The following PSEN2 variants were observed in gnomAD, a reference collection of about 807,000 sequenced individuals.
The protein encoded by PSEN2 is presenilin-2.
A neutral mutation model predicts 49.1 loss-of-function variants in PSEN2; 32 were observed. The ratio of observed to expected loss-of-function variants is 0.65; its 90% CI spans 0.49 to 0.88. The LOEUF (loss-of-function observed/expected upper bound fraction) is 0.88, where lower values mean the gene tolerates loss of function less well. PSEN2 is among the 40% of genes least tolerant of loss of function. The pLI is 0.00. For missense variants in PSEN2, 522 were observed against 586.9 expected, an observed-to-expected ratio of 0.89 and a Z score of 1.14; for synonymous variants, 255 against 244.0, an observed-to-expected ratio of 1.05 and a Z score of -0.42.
downstream of PSEN2, among the ~76,000 whole-genome samples, chr1:226,900,158 G>A (rs1662264886): frequency 2.0e-5 from 3 of 152,180 alleles, no homozygotes; most frequent in South Asian, 6.2e-4. Flanking sequence ...GCCCCGGGAG[G>A]CAGCAGATGA....
Position 226,895,784 on chromosome 1 carries a change from G to A in PSEN2, c.*205G>A, listed in dbSNP as rs199571588. 1.3e-5 allele frequency: 8 copies of A among 629,348 alleles called. No homozygotes were observed. The highest frequency in any genetic ancestry group is 7.9e-5 in the South Asian group (4 of 50,816). 39.0% of individuals were successfully genotyped at this position (629,348 alleles called of 1,614,324 possible). ...GACTTTGGCTCCCGCTTTGGGGAGC[G>A]CCTCGCTTCACGGACAGGAAGCACA... is the stretch of plus-strand genomic sequence containing the variant. On this transcript the variant is annotated 3_prime_UTR_variant, in exon 13 of 13. Transcript: ENST00000366783.
intron 4 of PSEN2, among the ~76,000 whole-genome samples, chr1:226,882,628 C>T (rs1661073488): frequency 6.6e-6 from 1 of 152,166 alleles, no homozygotes; most frequent in African/African-American, 2.4e-5. Flanking sequence ...ACCCTGTTCT[C>T]TGTTTTGCCC....
chr1:226,885,719 G>A lies in PSEN2; in HGVS notation c.498+40G>A, dbSNP rs144791481. 2.6e-3 allele frequency: 4,100 copies of A among 1,600,720 alleles called. 8 individuals carry two copies. The highest frequency in any genetic ancestry group is 3.2e-3 in the Non-Finnish European group (3,806 of 1,179,402). ...CTGCCCTCCAGCCACGCTTCTCTCC[G>A]TCTGCCCCACACCATGGCGGCAGGG... On this transcript the variant is annotated intron_variant, in intron 6 of 12. Coordinates refer to ENST00000366783, the MANE Select transcript of PSEN2 (RefSeq NM_000447.3).
chr1:226,881,826 A>G, intron 3 of PSEN2, 62 bp from the exon 4 acceptor site: 5 of 1,604,648 alleles, frequency 3.1e-6, no homozygotes, highest in Non-Finnish European at 4.3e-6. Context: ...CCACCCCCTG[A>G]GTCCTCCACT....
downstream of PSEN2, among the ~76,000 whole-genome samples, chr1:226,900,828 T>C (rs1003245014): frequency 6.6e-6 from 1 of 152,208 alleles, no homozygotes; most frequent in Non-Finnish European, 1.5e-5. Context: ...GGTTGTGGAC[T>C]CTGTAGAGAG....
chr1:226,877,606 A>G (rs1280567157), intron 3 of PSEN2, among the ~76,000 whole-genome samples: 2 of 152,160 alleles, frequency 1.3e-5, no homozygotes, highest in African/African-American at 4.8e-5. Context: ...AGCTGAGACT[A>G]GCTCTTCCCT....
chr1:226,893,884 T>G (rs566997959), intron 11 of PSEN2, 123 bp from the exon 12 acceptor site: 1 of 827,926 alleles, frequency 1.2e-6, no homozygotes, highest in East Asian at 2.4e-5. Context: ...TCTTAGCTTC[T>G]AGAGGCCAGG....
chr1:226,902,397 C>T (rs978965458), intron 12 of PSEN2, among the ~76,000 whole-genome samples: 3 of 152,026 alleles, frequency 2.0e-5, no homozygotes, highest in African/African-American at 7.2e-5. Context: ...GAAGTAAGGG[C>T]ATGGCTTACC....
chr1:226,891,669 C>T, intron 10 of PSEN2, 74 bp from the exon 11 acceptor site: 1 of 1,325,276 alleles, frequency 7.5e-7, no homozygotes. Context: ...AACACTCTGA[C>T]CAGCTGTTGT....
chr1:226,870,951 C>G (rs1020077629), intron 1 of PSEN2: 3 of 152,320 alleles, frequency 2.0e-5, no homozygotes, highest in African/African-American at 2.4e-5. Flanking sequence ...GTCCCCACTT[C>G]CCTGCGCCCG....
intron 3 of PSEN2, 30 bp from the exon 4 acceptor site, chr1:226,881,858 G>A (rs1661014080): frequency 6.2e-7 from 1 of 1,614,058 alleles, no homozygotes; most frequent in African/African-American, 1.3e-5. Context: ...ACAGGAAAGT[G>A]GAACAAGGTC....
intron 3 of PSEN2, among the ~76,000 whole-genome samples, chr1:226,875,765 G>T (rs573201931): frequency 1.3e-5 from 2 of 152,174 alleles, no homozygotes; most frequent in Non-Finnish European, 1.5e-5. Flanking sequence ...CATAATGATT[G>T]CAGGAACTGC....
At chr1:226,880,563 C>A (rs1660914783) in intron 3 of PSEN2, 2 of 1,581,040 alleles carry the variant, frequency 1.3e-6, no homozygotes, top group South Asian at 2.2e-5. Flanking sequence ...ATCACTCAGC[C>A]TCTGGACAGC....
intron 3 of PSEN2, chr1:226,880,713 G>T (rs768163661): frequency 8.7e-6 from 14 of 1,612,838 alleles, no homozygotes; most frequent in Non-Finnish European, 1.1e-5. Flanking sequence ...AAACCTGCAT[G>T]TGTAGATTTT....
chr1:226,884,067 G>T, intron 5 of PSEN2, 148 bp downstream of exon 5: 1 of 690,700 alleles, frequency 1.4e-6, no homozygotes, highest in Non-Finnish European at 2.5e-6. Flanking sequence ...CAGGTTCATG[G>T]CCTGGCTCAC....
chr1:226,891,904 T>TGCAG, intron 11 of PSEN2, 60 bp downstream of exon 11: 1 of 1,493,364 alleles, frequency 6.7e-7, no homozygotes, highest in Non-Finnish European at 9.3e-7. Flanking sequence ...AGACAGAGGG[T>TGCAG]GGAGGCTCCC....
chr1:226,900,130 C>T (rs1662263943), downstream of PSEN2, among the ~76,000 whole-genome samples: 2 of 152,154 alleles, frequency 1.3e-5, no homozygotes, highest in Non-Finnish European at 2.9e-5. Context: ...CTGATGTCTT[C>T]AAAGACGGTG....
chr1:226,879,769 T>C (rs953511202), intron 3 of PSEN2, among the ~76,000 whole-genome samples: 2 of 152,212 alleles, frequency 1.3e-5, no homozygotes, highest in South Asian at 4.1e-4. Flanking sequence ...GGGTGCATTG[T>C]CCTTGTCACT....
rs200943229 is a variant in PSEN2, at chr1:226,895,660, A to G, written c.*81A>G. The G allele has an allele frequency of 6.8e-7, 1 of 1,461,618 alleles. No individual in the cohort carries two copies. Among genetic ancestry groups the G allele is most frequent in the East Asian group, 2.5e-5 (1 of 40,554 alleles). 90.5% of individuals were successfully genotyped at this position (1,461,618 alleles called of 1,614,324 possible). A position where few individuals can be genotyped will look rare whatever the true frequency, so the allele number is the denominator to read the frequency against. Reference sequence around the variant, plus strand: ...GTATAGTTTTACACTCTAGTGCCATATATTTTTAAGACTTTTCTTTCCTTA... The same window carrying G: ...GTATAGTTTTACACTCTAGTGCCATGTATTTTTAAGACTTTTCTTTCCTTA... On this transcript the variant is annotated 3_prime_UTR_variant, in exon 13 of 13. Coordinates refer to ENST00000366783, the MANE Select transcript of PSEN2 (RefSeq NM_000447.3).
Sources: gnomAD v4.1 joint callset for allele counts (sites outside exome capture counted in the v4.1 genomes callset) on GRCh38, gnomAD v4.1.1 for gene constraint, MANE v1.5 for transcripts, NCBI Gene and HGNC (gene_info 2026-07-23, HGNC 2026-07-21) for gene names.